The following KCTD16 variants were observed in gnomAD, a reference collection of about 807,000 sequenced individuals.
KCTD16 encodes BTB/POZ domain-containing protein KCTD16.
In KCTD16, 13 loss-of-function variants were observed where a neutral mutation model predicts 33.2. The ratio of observed to expected loss-of-function variants is 0.39; its 90% CI spans 0.25 to 0.62. KCTD16 has a LOEUF of 0.62. Among genes scored for constraint, KCTD16 ranks in the 20% least tolerant of loss-of-function variants. The pLI is 0.50. For synonymous variants in KCTD16, 197 were observed against 195.3 expected, an observed-to-expected ratio of 1.01 and a Z score of -0.07; for missense variants, 441 against 525.1, an observed-to-expected ratio of 0.84 and a Z score of 1.57.
intron 2 of KCTD16, among the ~76,000 whole-genome samples, chr5:144,194,838 A>G (rs959437602): frequency 1.2e-4 from 18 of 152,210 alleles, no homozygotes; most frequent in African/African-American, 3.9e-4. Flanking sequence ...TCTCTGTGCA[A>G]GAAATAATCA....
intron 3 of KCTD16, among the ~76,000 whole-genome samples, chr5:144,394,922 A>T (rs921936281): frequency 1.3e-5 from 2 of 152,192 alleles, no homozygotes; most frequent in East Asian, 3.9e-4. Flanking sequence ...ACCAAATAAC[A>T]CTAGAAGGTC....
chr5:144,263,676 C>CA (rs775733619), intron 3 of KCTD16, among the ~76,000 whole-genome samples: 17 of 152,168 alleles, frequency 1.1e-4, no homozygotes, highest in Non-Finnish European at 2.2e-4. Flanking sequence ...AGGTCATGTA[C>CA]AAATGACTGC....
Position 144,473,748 on chromosome 5 carries a change from C to T in KCTD16, c.921C>T (p.Cys307=), listed in dbSNP as rs1580992290. The change falls in exon 4 of 4, where the codon TGC becomes TGT. Residue 307 remains cysteine (C), a synonymous_variant. Transcript: ENST00000512467. The part of the protein sequence containing the change: ...GDKEGESGTS[C]NDLSTSSCDS... ...AAGAAGGGGAGAGCGGCACGTCTTG[C>T]AATGACCTCTCCACATCTAGCTGCG... 6.2e-7 allele frequency: 1 copy of T among 1,614,040 alleles called. No homozygotes were observed. Among genetic ancestry groups the T allele is most frequent in the Non-Finnish European group, 8.5e-7 (1 of 1,179,962 alleles).
At chr5:144,283,981 A>C (rs1261937614) in intron 3 of KCTD16, among the ~76,000 whole-genome samples, 1 of 152,148 alleles carries the variant, frequency 6.6e-6, no homozygotes, top group Non-Finnish European at 1.5e-5. Context: ...CAATTACTCA[A>C]ATTATTCAGC....
At chr5:144,441,707 G>A (rs1024484911) in intron 3 of KCTD16, among the ~76,000 whole-genome samples, 10 of 150,202 alleles carry the variant, frequency 6.7e-5, no homozygotes, top group Non-Finnish European at 1.0e-4. Context: ...GTACCACACT[G>A]TCTTGATTAT....
At chr5:144,320,184 A>G (rs1336280549) in intron 3 of KCTD16, among the ~76,000 whole-genome samples, 1 of 152,174 alleles carries the variant, frequency 6.6e-6, no homozygotes, top group African/African-American at 2.4e-5. Context: ...AGTAGCTTCT[A>G]ATTTCCTGCA....
intron 3 of KCTD16, among the ~76,000 whole-genome samples, chr5:144,218,110 AT>A (rs1459080357): frequency 6.6e-6 from 1 of 152,170 alleles, no homozygotes; most frequent in Non-Finnish European, 1.5e-5. Context: ...TACCTATTGA[AT>A]ACCTAAAGTG....
At chr5:144,344,001 C>T (rs1752715837) in intron 3 of KCTD16, among the ~76,000 whole-genome samples, 1 of 151,910 alleles carries the variant, frequency 6.6e-6, no homozygotes, top group South Asian at 2.1e-4. Context: ...GTACTGGTAC[C>T]AAAACAGAGA....
intron 3 of KCTD16, among the ~76,000 whole-genome samples, chr5:144,251,427 AT>A (rs1754697954): frequency 6.6e-6 from 1 of 152,210 alleles, no homozygotes; most frequent in Non-Finnish European, 1.5e-5. Flanking sequence ...TTACATATTC[AT>A]TAGTAGCTGA....
intron 3 of KCTD16, among the ~76,000 whole-genome samples, chr5:144,417,954 C>G (rs1482378836): frequency 6.6e-6 from 1 of 152,088 alleles, no homozygotes; most frequent in Non-Finnish European, 1.5e-5. Flanking sequence ...GATGGTGTGT[C>G]CGGAGTTTGT....
At chr5:144,204,544 A>G (rs983848977) in intron 2 of KCTD16, among the ~76,000 whole-genome samples, 2 of 152,166 alleles carry the variant, frequency 1.3e-5, no homozygotes, top group Non-Finnish European at 2.9e-5. Flanking sequence ...GCCTTCCACC[A>G]GAGTCCTCTT....
intron 3 of KCTD16, among the ~76,000 whole-genome samples, chr5:144,424,655 G>C (rs145096001): frequency 2.0e-5 from 3 of 152,150 alleles, no homozygotes; most frequent in Non-Finnish European, 4.4e-5. Context: ...CAAGAGCGTG[G>C]CTTTGGTGTC....
chr5:144,437,499 A>G (rs1181005203), intron 3 of KCTD16, among the ~76,000 whole-genome samples: 2 of 152,208 alleles, frequency 1.3e-5, no homozygotes, highest in Non-Finnish European at 2.9e-5. Context: ...GGATTGAATG[A>G]GTCAATATTT....
rs377417677 is a variant in KCTD16, at chr5:144,474,380, T to C, written c.*266T>C. 2.1e-5 allele frequency: 7 copies of C among 332,950 alleles called. No individual in the cohort carries two copies. The highest frequency in any genetic ancestry group is 6.5e-5 in the African/African-American group (3 of 46,116). 20.6% of individuals were successfully genotyped at this position (332,950 alleles called of 1,614,324 possible). On this transcript the variant is annotated 3_prime_UTR_variant, in exon 4 of 4. Transcript: ENST00000512467. ...TTCGTCCCATGTGCTAACTATCTTA[T>C]ATATAATGAGAGCCAGCTACGTAAA... is the stretch of plus-strand genomic sequence containing the variant.
At chr5:144,381,292 A>G (rs1255163155) in intron 3 of KCTD16, among the ~76,000 whole-genome samples, 1 of 152,346 alleles carries the variant, frequency 6.6e-6, no homozygotes, top group East Asian at 1.9e-4. Flanking sequence ...AAGTCAAAAA[A>G]TAACAGATAT....
chr5:144,259,821 A>G (rs143473475), intron 3 of KCTD16, among the ~76,000 whole-genome samples: 158 of 152,328 alleles, frequency 1.0e-3, no homozygotes, highest in African/African-American at 3.7e-3. Flanking sequence ...CCCTGTGGCC[A>G]TCAAGAAGCC....
intron 3 of KCTD16, among the ~76,000 whole-genome samples, chr5:144,387,156 T>C (rs915405167): frequency 5.3e-5 from 8 of 149,866 alleles, no homozygotes; most frequent in Non-Finnish European, 1.0e-4. Context: ...TTTTTTTTTT[T>C]TTTGAGAGAC....
At chr5:144,375,073 G>A (rs142386227) in intron 3 of KCTD16, among the ~76,000 whole-genome samples, 88 of 152,284 alleles carry the variant, frequency 5.8e-4, no homozygotes, top group African/African-American at 1.7e-3. Context: ...CAAAGGGATT[G>A]ACCACATACA....
intron 3 of KCTD16, among the ~76,000 whole-genome samples, chr5:144,319,461 G>C (rs1311345380): frequency 1.3e-5 from 2 of 152,126 alleles, no homozygotes; most frequent in South Asian, 4.1e-4. Flanking sequence ...ATTCCAACAT[G>C]TTAAAGGTTA....
Sources: allele counts gnomAD v4.1 joint callset (sites outside exome capture counted in the v4.1 genomes callset), GRCh38; gene constraint gnomAD v4.1.1; transcripts MANE v1.5; gene names NCBI Gene and HGNC (gene_info 2026-07-23, HGNC 2026-07-21).